ANKS1B: variants seen among roughly 807,000 people sequenced by gnomAD.
The protein encoded by ANKS1B is ankyrin repeat and sterile alpha motif domain containing 1B.
Under a neutral mutation model 148.3 loss-of-function variants are expected in ANKS1B, and 36 were observed. The observed-to-expected ratio is 0.24, with a 90% CI of 0.19 to 0.32. ANKS1B has a LOEUF of 0.32. Among genes scored for constraint, ANKS1B ranks in the 10% least tolerant of loss-of-function variants. ANKS1B has a pLI of 1.00. For synonymous variants in ANKS1B, 542 were observed against 560.8 expected, an observed-to-expected ratio of 0.97 and a Z score of 0.47; for missense variants, 1,157 against 1,542.6, an observed-to-expected ratio of 0.75 and a Z score of 4.19.
chr12:98,835,709 G>A (rs1202938214), intron 17 of ANKS1B, among the ~76,000 whole-genome samples: 1 of 152,104 alleles, frequency 6.6e-6, no homozygotes, highest in Non-Finnish European at 1.5e-5. Flanking sequence ...ACCCAGATGA[G>A]GGTGGACGGA....
Position 99,761,065 on chromosome 12 carries a change from C to CAA in ANKS1B, c.1128+11855_1128+11856dup, listed in dbSNP as rs60542272. Among the ~76,000 whole-genome samples, 629 of 98,676 alleles carry CAA rather than the reference C, an allele frequency of 6.4e-3. 10 individuals carry two copies. Among genetic ancestry groups the CAA allele is most frequent in the Non-Finnish European group, 8.5e-3 (431 of 50,846 alleles). 64.7% of individuals were successfully genotyped at this position (98,676 alleles called of 152,430 possible). A position where few individuals can be genotyped will look rare whatever the true frequency, so the allele number is the denominator to read the frequency against. On this transcript the variant is annotated intron_variant, in intron 8 of 26. Transcript: ENST00000683438. ...AATCAGTAATAAAAAGCCTAACAAC[C>CAA]AAAAAAAAAAAAAAAAAACCCTGGA...
rs1331914788 is a variant in ANKS1B at position 99,664,825 on chromosome 12, A to T, written c.1129-9615T>A. Among the ~76,000 whole-genome samples, 4 of 152,250 alleles carry T rather than the reference A, an allele frequency of 2.6e-5. No homozygotes were observed. The East Asian group carries it at 5.8e-4, about 22-fold the overall frequency. ...TATTAACACTAAACATCTGTTTAAA[A>T]TTTTCTGAAAATTACCTTGCAAGGC... On this transcript the variant is annotated intron_variant, in intron 8 of 26. Coordinates refer to ENST00000683438, the MANE Select transcript of ANKS1B (RefSeq NM_001352186.2).
chr12:98,759,633 G>A (rs1421055892), intron 25 of ANKS1B, among the ~76,000 whole-genome samples: 4 of 152,000 alleles, frequency 2.6e-5, no homozygotes. Context: ...AAATCTCTTA[G>A]GCACAAGGGT....
intron 17 of ANKS1B, among the ~76,000 whole-genome samples, chr12:98,986,769 C>T (rs1315623241): frequency 2.6e-5 from 4 of 152,140 alleles, no homozygotes; most frequent in Admixed American, 6.5e-5. Context: ...TGTGTATCAC[C>T]ACACCTGGAT....
intron 17 of ANKS1B, among the ~76,000 whole-genome samples, chr12:98,875,619 A>C (rs1005027429): frequency 6.6e-6 from 1 of 152,034 alleles, no homozygotes; most frequent in African/African-American, 2.4e-5. Flanking sequence ...TAGTTTGTTT[A>C]TCATGCAATT....
intron 11 of ANKS1B, among the ~76,000 whole-genome samples, chr12:99,405,149 C>T (rs2094501994): frequency 6.9e-6 from 1 of 145,408 alleles, no homozygotes; most frequent in Non-Finnish European, 1.5e-5. Flanking sequence ...ACAATAAATG[C>T]TAAAGGGAGT....
chr12:99,326,570 G>T (rs560059702), intron 12 of ANKS1B, among the ~76,000 whole-genome samples: 1 of 152,044 alleles, frequency 6.6e-6, no homozygotes, highest in Admixed American at 6.6e-5. Flanking sequence ...TAATGTAAAA[G>T]AGACTACATT....
intron 17 of ANKS1B, chr12:98,894,688 C>G: frequency 4.1e-6 from 4 of 985,698 alleles, no homozygotes; most frequent in Non-Finnish European, 4.8e-6. Flanking sequence ...GCTCTGGCCC[C>G]CGAGGACGCA....
intron 1 of ANKS1B, among the ~76,000 whole-genome samples, chr12:99,893,237 C>T (rs2093208882): frequency 6.6e-6 from 1 of 151,878 alleles, no homozygotes; most frequent in Non-Finnish European, 1.5e-5. Flanking sequence ...AGTGAAACCC[C>T]GTCTCTACTA....
chr12:99,226,245 AG>A (rs1437242787), intron 14 of ANKS1B, among the ~76,000 whole-genome samples: 1 of 152,214 alleles, frequency 6.6e-6, no homozygotes, highest in African/African-American at 2.4e-5. Flanking sequence ...ACAGGGTAAT[AG>A]AGTCCTGTTT....
In ANKS1B at chr12:99,128,901, G is replaced by A. The variant is rs73371903; in HGVS notation, c.2526+25388C>T. ...AAAAAGCCAAAAGACAGAACATCCT[G>A]GAGAATAGAGCCACTCTTTGACTGG... On this transcript the variant is annotated intron_variant, in intron 15 of 26. Transcript: ENST00000683438. Among the ~76,000 whole-genome samples, 987 of 152,274 alleles carry A rather than the reference G, an allele frequency of 6.5e-3. 14 individuals are homozygous for A. Among genetic ancestry groups the A allele is most frequent in the African/African-American group, 0.022 (907 of 41,566 alleles).
intron 10 of ANKS1B, among the ~76,000 whole-genome samples, chr12:99,467,976 G>A (rs933241492): frequency 3.8e-4 from 58 of 152,050 alleles, no homozygotes; most frequent in Non-Finnish European, 6.8e-4. Context: ...AGCCCACATC[G>A]CCAAGTCAAT....
chr12:99,002,347 C>A (rs2099933493), intron 17 of ANKS1B, among the ~76,000 whole-genome samples: 1 of 152,112 alleles, frequency 6.6e-6, no homozygotes. Context: ...TCTGTTAAAC[C>A]CCAGCTTCCC....
At chr12:99,635,003 G>A (rs529745350) in intron 9 of ANKS1B, among the ~76,000 whole-genome samples, 1 of 152,164 alleles carries the variant, frequency 6.6e-6, no homozygotes, top group Non-Finnish European at 1.5e-5. Context: ...ACAAGCACAT[G>A]AAAAGATGCC....
intron 11 of ANKS1B, among the ~76,000 whole-genome samples, chr12:99,410,125 CG>C (rs1320487256): frequency 5.3e-5 from 8 of 152,076 alleles, no homozygotes; most frequent in Non-Finnish European, 8.8e-5. Flanking sequence ...CATTTTTTAT[CG>C]TTTTTTAGAA....
At chr12:98,967,475 T>C (rs1024730182) in intron 17 of ANKS1B, among the ~76,000 whole-genome samples, 1 of 151,940 alleles carries the variant, frequency 6.6e-6, no homozygotes, top group African/African-American at 2.4e-5. Flanking sequence ...GGCTGGTATC[T>C]TAATTTCTTG....
chr12:99,780,106 TACACACACACATACACACACACATGCGC>T lies in ANKS1B; in HGVS notation c.746-162_746-135del, dbSNP rs929560962. On this transcript the variant is annotated intron_variant, in intron 5 of 26. Coordinates refer to ENST00000683438, the MANE Select transcript of ANKS1B (RefSeq NM_001352186.2). The stretch of plus-strand genomic sequence containing the variant: ...AAGTGATTTTTAAAAAATTAAGTTC[TACACACACACATACACACACACATGCGC>T]ACACACACACACACTCACACAAGAT... 1.4e-5 allele frequency: 9 copies of T among 653,116 alleles called. No individual in the cohort carries two copies. In the African/African-American group the frequency reaches 1.7e-4, roughly 12 times the overall value. 40.5% of individuals were successfully genotyped at this position (653,116 alleles called of 1,614,324 possible). A position where few individuals can be genotyped will look rare whatever the true frequency, so the allele number is the denominator to read the frequency against.
intron 9 of ANKS1B, among the ~76,000 whole-genome samples, chr12:99,563,498 G>A (rs746772647): frequency 3.3e-5 from 5 of 152,100 alleles, no homozygotes; most frequent in African/African-American, 4.8e-5. Flanking sequence ...AGTCGGTGGA[G>A]CAGTCAGAAA....
intron 17 of ANKS1B, among the ~76,000 whole-genome samples, chr12:99,039,022 G>C (rs1395564347): frequency 2.0e-5 from 3 of 152,202 alleles, no homozygotes; most frequent in African/African-American, 7.2e-5. Context: ...CAGGAGCTCT[G>C]TTGGTTTTGT....
Sources: gnomAD v4.1 joint callset for allele counts (sites outside exome capture counted in the v4.1 genomes callset) on GRCh38, gnomAD v4.1.1 for gene constraint, MANE v1.5 for transcripts, NCBI Gene and HGNC (gene_info 2026-07-23, HGNC 2026-07-21) for gene names.